The following EFNB2 variants were observed in gnomAD, a reference collection of about 807,000 sequenced individuals.
The protein encoded by EFNB2 is ephrin B2.
A neutral mutation model predicts 32.1 loss-of-function variants in EFNB2; 5 were observed. The observed-to-expected ratio is 0.16, with a 90% CI of 0.08 to 0.33. EFNB2 has a LOEUF of 0.33. EFNB2 is among the 10% of genes least tolerant of loss of function. The pLI, the probability that EFNB2 is intolerant of heterozygous loss-of-function variation, is 1.00. For synonymous variants in EFNB2, 168 were observed against 166.5 expected, an observed-to-expected ratio of 1.01 and a Z score of -0.07; for missense variants, 263 against 422.6, an observed-to-expected ratio of 0.62 and a Z score of 3.31.
At chr13:106,522,103 T>A (rs1461243230) in intron 1 of EFNB2, among the ~76,000 whole-genome samples, 2 of 151,902 alleles carry the variant, frequency 1.3e-5, no homozygotes, top group Admixed American at 6.6e-5. Flanking sequence ...CTATGAATTT[T>A]GTAGCTAGAT....
At chr13:106,497,921 T>C (rs1268526193) in intron 2 of EFNB2, among the ~76,000 whole-genome samples, 1 of 152,188 alleles carries the variant, frequency 6.6e-6, no homozygotes, top group Admixed American at 6.5e-5. Context: ...TCTAAAAAAT[T>C]AGGATATGTC....
At chr13:106,507,938 T>C (rs989460266) in intron 2 of EFNB2, among the ~76,000 whole-genome samples, 1 of 152,232 alleles carries the variant, frequency 6.6e-6, no homozygotes, top group Non-Finnish European at 1.5e-5. Context: ...ACGGTTTTCT[T>C]TGTCTAACAG....
At chr13:106,497,544 ATT>A (rs199652312) in intron 2 of EFNB2, among the ~76,000 whole-genome samples, 2 of 151,678 alleles carry the variant, frequency 1.3e-5, no homozygotes, top group Non-Finnish European at 2.9e-5. Context: ...GGCTATTAAA[ATT>A]TTTTTTTATT....
intron 1 of EFNB2, among the ~76,000 whole-genome samples, chr13:106,532,225 G>A (rs531068352): frequency 3.0e-4 from 46 of 152,236 alleles, no homozygotes; most frequent in African/African-American, 9.6e-4. Context: ...CGGGAGAGCC[G>A]ACAATGTGAT....
chr13:106,527,004 A>T (rs1886178), intron 1 of EFNB2, among the ~76,000 whole-genome samples: 98,829 of 152,022 alleles, frequency 0.65, 34,169 homozygotes, highest in African/African-American at 0.88. Context: ...TTAAACACAC[A>T]TCCACCCCTG....
chr13:106,496,147 C>G (rs1878581325), intron 2 of EFNB2, among the ~76,000 whole-genome samples: 1 of 152,194 alleles, frequency 6.6e-6, no homozygotes, highest in African/African-American at 2.4e-5. Flanking sequence ...GGATGGCATC[C>G]TTCAAAAAGT....
At position 106,528,440 on chromosome 13, in the gene EFNB2, AAG is replaced by A. The variant is rs549911812; in HGVS notation, c.122+6401_122+6402del. On this transcript the variant is annotated intron_variant, in intron 1 of 4. Coordinates refer to ENST00000646441, the MANE Select transcript of EFNB2 (RefSeq NM_004093.4). The stretch of plus-strand genomic sequence containing the variant: ...ACCATTTTTGTCAGACACAGAATCC[AAG>A]AGTCTAGAAGGGCCCTATGCTGCTC... 2.7e-3 allele frequency among the ~76,000 whole-genome samples: 407 copies of A among 151,710 alleles called. 2 individuals carry two copies. The highest frequency in any genetic ancestry group is 9.4e-3 in the African/African-American group (390 of 41,322).
intron 1 of EFNB2, among the ~76,000 whole-genome samples, chr13:106,534,473 G>A (rs1461871540): frequency 2.6e-5 from 4 of 152,220 alleles, no homozygotes; most frequent in African/African-American, 7.2e-5. Flanking sequence ...TCTCTCCAGA[G>A]CCCACCAGTC....
intron 1 of EFNB2, among the ~76,000 whole-genome samples, chr13:106,523,272 T>C (rs1879595132): frequency 6.6e-6 from 1 of 152,162 alleles, no homozygotes; most frequent in Non-Finnish European, 1.5e-5. Context: ...CTGACTTCCA[T>C]ACGGATCGCC....
chr13:106,535,026 G>A lies in EFNB2; in HGVS notation c.-62C>T, dbSNP rs1320083535. 3 of 1,598,186 alleles carry A rather than the reference G, an allele frequency of 1.9e-6. No individual in the cohort carries two copies. The African/African-American group carries it at 4.0e-5, about 21-fold the overall frequency. On this transcript the variant is annotated 5_prime_UTR_variant, in exon 1 of 5. Coordinates refer to ENST00000646441, the MANE Select transcript of EFNB2 (RefSeq NM_004093.4). ...AGAAGGGACTGACGGGACGCAGGCT[G>A]GGACCCCCAATCCTCCGGGGCAGAC... is the stretch of plus-strand genomic sequence containing the variant.
chr13:106,514,203 G>T (rs1398095389), intron 1 of EFNB2, among the ~76,000 whole-genome samples: 1 of 152,062 alleles, frequency 6.6e-6, no homozygotes, highest in African/African-American at 2.4e-5. Flanking sequence ...AAGGATATAT[G>T]ACATTCATTC....
chr13:106,502,262 T>C (rs765558983), intron 2 of EFNB2, among the ~76,000 whole-genome samples: 3 of 152,222 alleles, frequency 2.0e-5, no homozygotes, highest in Non-Finnish European at 4.4e-5. Context: ...AAAAGTAGAT[T>C]CTAAAATTGA....
chr13:106,525,617 G>A (rs1165075820), intron 1 of EFNB2, among the ~76,000 whole-genome samples: 1 of 152,136 alleles, frequency 6.6e-6, no homozygotes, highest in Non-Finnish European at 1.5e-5. Flanking sequence ...GCTTAGAGAT[G>A]CCCACAGTAT....
At chr13:106,498,086 T>C (rs561174969) in intron 2 of EFNB2, among the ~76,000 whole-genome samples, 2 of 152,230 alleles carry the variant, frequency 1.3e-5, no homozygotes, top group South Asian at 4.2e-4. Flanking sequence ...AAAGTTAACT[T>C]ACTTTGAGTT....
chr13:106,495,666 G>A, intron 3 of EFNB2, 82 bp downstream of exon 3: 1 of 1,279,016 alleles, frequency 7.8e-7, no homozygotes, highest in South Asian at 1.3e-5. Context: ...GAATGAAGGT[G>A]GGCATCGGCA....
At chr13:106,503,941 C>T (rs1373558747) in intron 2 of EFNB2, among the ~76,000 whole-genome samples, 1 of 152,142 alleles carries the variant, frequency 6.6e-6, no homozygotes, top group African/African-American at 2.4e-5. Context: ...TCCCTATTGT[C>T]TATATTAGCT....
At chr13:106,523,295 T>C (rs1394162417) in intron 1 of EFNB2, among the ~76,000 whole-genome samples, 1 of 152,078 alleles carries the variant, frequency 6.6e-6, no homozygotes, top group Admixed American at 6.6e-5. Flanking sequence ...CACAACTGTG[T>C]ACCTTAGGAA....
intron 2 of EFNB2, chr13:106,506,408 CCT>C (rs960228242): frequency 5.9e-5 from 9 of 152,212 alleles, no homozygotes; most frequent in African/African-American, 1.9e-4. Flanking sequence ...AGACTCCTCC[CCT>C]GTCTGTCTCT....
chr13:106,492,894 C>T lies in EFNB2; in HGVS notation c.*146G>A, dbSNP rs1317855029. The T allele has an allele frequency of 1.2e-5, 13 of 1,090,440 alleles. No individual in the cohort carries two copies. The highest frequency in any genetic ancestry group is 5.3e-5 in the Admixed American group (2 of 38,000). 67.5% of individuals were successfully genotyped at this position (1,090,440 alleles called of 1,614,324 possible). Reference sequence around the variant, plus strand: ...ACAAGACTAGGTAAGCTGTCCAGCGCGACGGGCTCTTCCGAGGAGGAGTGT... The same window carrying T: ...ACAAGACTAGGTAAGCTGTCCAGCGTGACGGGCTCTTCCGAGGAGGAGTGT... On this transcript the variant is annotated 3_prime_UTR_variant, in exon 5 of 5. Transcript: ENST00000646441. This position sits in a 1 kb window ranked among gnomAD's most constrained non-coding sequence, Gnocchi z 5.1.
Sources: gnomAD v4.1 joint callset for allele counts (sites outside exome capture counted in the v4.1 genomes callset) on GRCh38, gnomAD v4.1.1 for gene constraint, Gnocchi (gnomAD v3.1) non-coding constraint, MANE v1.5 for transcripts, NCBI Gene and HGNC (gene_info 2026-07-23, HGNC 2026-07-21) for gene names.